AGBL5: variants seen among roughly 807,000 people sequenced by gnomAD.
The protein encoded by AGBL5 is AGBL carboxypeptidase 5, also known as cytosolic carboxypeptidase-like protein 5.
A neutral mutation model predicts 88.0 loss-of-function variants in AGBL5; 51 were observed. The observed-to-expected ratio is 0.58, with a 90% CI of 0.46 to 0.73. The LOEUF is 0.73. Among genes scored for constraint, AGBL5 ranks in the 30% least tolerant of loss-of-function variants. AGBL5 has a pLI of 0.00. For missense variants in AGBL5, 1,031 were observed against 1,162.2 expected (o/e 0.89, Z 1.64); for synonymous variants, 446 against 438.8 (o/e 1.02, Z -0.21).
chr2:27,067,819 T>A, intron 12 of AGBL5, 173 bp downstream of exon 12: 1 of 752,884 alleles, frequency 1.3e-6, no homozygotes, highest in South Asian at 1.5e-5. Flanking sequence ...GTCTGTGTAA[T>A]AAAACAATAG....
Position 27,053,500 on chromosome 2 carries a change from G to A in AGBL5, c.314G>A (p.Gly105Asp). ...MNKQSKLYSQ[G>D]MAPFVRTLPT... ...AAGCAGAGCAAGCTGTATTCCCAGG[G>A]CATGGCCCCCTTTGTGCGCACACTG... The change falls in exon 3 of 15, where the codon GGC becomes GAC. Residue 105 changes from glycine (G) to aspartate (D), a missense_variant. Physicochemically the swap from Gly to Asp is moderately conservative, Grantham distance 94 (BLOSUM62 -1). Around this residue, in one of 2 missense-constraint regions of AGBL5, gnomAD observed 540 missense variants for 678.2 expected, o/e 0.80. Transcript: ENST00000360131. The surrounding 1 kb of genome is among the most constrained non-coding windows in gnomAD (Gnocchi z 4.9). 1 of 1,614,122 alleles carries A rather than the reference G, an allele frequency of 6.2e-7. No homozygotes were observed. The highest frequency in any genetic ancestry group is 8.5e-7 in the Non-Finnish European group (1 of 1,180,036).
Position 27,063,322 on chromosome 2 carries a change from G to A in AGBL5, c.2089+3918G>A, listed in dbSNP as rs374332813. 7.2e-5 allele frequency among the ~76,000 whole-genome samples: 11 copies of A among 152,308 alleles called. No homozygotes were observed. In the East Asian group the frequency reaches 2.1e-3, roughly 29 times the overall value. ...TGAATGCTTGTCTCGGCCGGGCGTG[G>A]TGGCTCACGCCTGTAATCCCAGCAC... On this transcript the variant is annotated intron_variant, in intron 11 of 14. Transcript: ENST00000360131.
intron 13 of AGBL5, chr2:27,069,160 C>A: frequency 7.5e-7 from 1 of 1,341,396 alleles, no homozygotes. Context: ...TCCAGATCCC[C>A]ATGCTAGGTA....
intron 13 of AGBL5, chr2:27,069,107 G>A (rs1669141919): frequency 7.5e-7 from 1 of 1,340,560 alleles, no homozygotes. Context: ...AACACATTTG[G>A]TTGCTGCTGC....
chr2:27,053,625 G>A lies in AGBL5; in HGVS notation c.387+52G>A. 1.3e-6 allele frequency: 2 copies of A among 1,564,466 alleles called. No homozygotes were observed. The highest frequency in any genetic ancestry group is 2.4e-5 in the South Asian group (2 of 83,876). On this transcript the variant is annotated intron_variant, in intron 3 of 14. Coordinates refer to ENST00000360131, the MANE Select transcript of AGBL5 (RefSeq NM_021831.6). The surrounding 1 kb of genome is among the most constrained non-coding windows in gnomAD (Gnocchi z 4.9). Reference sequence around the variant, plus strand: ...AGACTTGGGTGCTAAAAGTAGAGAGGAAAGTAAAGCGTTTTTTTTTCCTTG... The same window carrying A: ...AGACTTGGGTGCTAAAAGTAGAGAGAAAAGTAAAGCGTTTTTTTTTCCTTG...
rs200990404 is a variant in AGBL5, at chr2:27,070,155, T to G, written c.2553T>G (p.Ser851Arg). 69 of 1,614,136 alleles carry G rather than the reference T, an allele frequency of 4.3e-5. No homozygotes were observed. In the African/African-American group the frequency reaches 7.7e-4, roughly 18 times the overall value. The change falls in exon 15 of 15, where the codon AGT becomes AGG. Residue 851 changes from serine (S) to arginine (R), a missense_variant. Ser to Arg is a moderately radical substitution (Grantham distance 110). Transcript: ENST00000360131. ...CTGCCTTTTCTCCTATATCCTGTAG[T>G]CTATCTGACTCCCCATCCTGGAATT... is the stretch of plus-strand genomic sequence containing the variant. ...SAPAFSPISC[S>R]LSDSPSWNCY...
chr2:27,053,450 C>G lies in AGBL5; in HGVS notation c.264C>G (p.Ile88Met), dbSNP rs1158013328. 6.2e-7 allele frequency: 1 copy of G among 1,614,122 alleles called. No homozygotes were observed. The highest frequency in any genetic ancestry group is 8.5e-7 in the Non-Finnish European group (1 of 1,180,026). ...GGGGAGGAATGCCAGGAAAACTCAT[C>G]AAGATCAACATTATGAACATGAACA... ...SVRGGMPGKLIKINIMNMNKQ... is the reference protein window; with the variant it reads ...SVRGGMPGKLMKINIMNMNKQ... Residue 88 changes from isoleucine (I) to methionine (M), a missense_variant, in exon 3 of 15, where the codon ATC (isoleucine) becomes ATG (methionine). Ile to Met is a conservative substitution (Grantham distance 10). Coordinates refer to ENST00000360131, the MANE Select transcript of AGBL5 (RefSeq NM_021831.6). This position sits in a 1 kb window ranked among gnomAD's most constrained non-coding sequence, Gnocchi z 4.9.
chr2:27,060,419 A>AG (rs978599552), intron 11 of AGBL5, among the ~76,000 whole-genome samples: 1 of 152,194 alleles, frequency 6.6e-6, no homozygotes, highest in Non-Finnish European at 1.5e-5. Context: ...TGGATTGCGG[A>AG]GGGGGAGAGA....
At chr2:27,066,219 G>A (rs1307148947) in intron 11 of AGBL5, among the ~76,000 whole-genome samples, 1 of 127,674 alleles carries the variant, frequency 7.8e-6, no homozygotes, top group Non-Finnish European at 1.6e-5. Context: ...AGGTGACAGA[G>A]TGAGACCCTG....
Position 27,053,589 on chromosome 2 carries a change from G to A in AGBL5, c.387+16G>A. ...CACCTTTGAGGTAAGTTCTCCATGA[G>A]GAGGAAAGAAAGACTTGGGTGCTAA... On this transcript the variant is annotated intron_variant, in intron 3 of 14. Transcript: ENST00000360131. This position sits in a 1 kb window ranked among gnomAD's most constrained non-coding sequence, Gnocchi z 4.9. 1 of 1,597,884 alleles carries A rather than the reference G, an allele frequency of 6.3e-7. No individual in the cohort carries two copies. Among genetic ancestry groups the A allele is most frequent in the Non-Finnish European group, 8.5e-7 (1 of 1,173,478 alleles).
chr2:27,054,112 C>G (rs1668312045), intron 4 of AGBL5, 53 bp downstream of exon 4: 1 of 1,534,536 alleles, frequency 6.5e-7, no homozygotes, highest in Non-Finnish European at 8.8e-7. Flanking sequence ...GACAGCACCT[C>G]CACTACTTCT....
chr2:27,054,377 C>A, intron 4 of AGBL5: 1 of 560,026 alleles, frequency 1.8e-6, no homozygotes. Context: ...CGGAGAACAA[C>A]TCCGACTACA....
upstream of AGBL5, among the ~76,000 whole-genome samples, chr2:27,050,809 A>C (rs1176851318): frequency 4.6e-5 from 7 of 152,226 alleles, no homozygotes; most frequent in Non-Finnish European, 7.3e-5. Flanking sequence ...GGTAGAGCGG[A>C]GGACTGTAGT....
Position 27,070,354 on chromosome 2 carries a change from G to A in AGBL5, c.*91G>A. On this transcript the variant is annotated 3_prime_UTR_variant, in exon 15 of 15. Coordinates refer to ENST00000360131, the MANE Select transcript of AGBL5 (RefSeq NM_021831.6). ...TTCCCCTCCAGGCCGCTGATTCCAT[G>A]TGACAGCCGTTAAGTCCTTGGAATG... 7 of 1,363,350 alleles carry A rather than the reference G, an allele frequency of 5.1e-6. No individual in the cohort carries two copies. Among genetic ancestry groups the A allele is most frequent in the Non-Finnish European group, 5.2e-6 (5 of 968,184 alleles). The allele number at this position is 1,363,350 out of a possible 1,614,324, so 84.5% of individuals were successfully genotyped here. A position where few individuals can be genotyped will look rare whatever the true frequency, so the allele number is the denominator to read the frequency against.
intron 4 of AGBL5, chr2:27,054,372 A>G (rs1668324404): frequency 3.6e-6 from 2 of 555,182 alleles, no homozygotes; most frequent in African/African-American, 3.8e-5. Flanking sequence ...CCCCACGGAG[A>G]ACAACTCCGA....
chr2:27,055,331 T>C, intron 6 of AGBL5, 78 bp downstream of exon 6: 1 of 1,534,716 alleles, frequency 6.5e-7, no homozygotes. Flanking sequence ...TCTGTCAGCC[T>C]TCTGGCTTCT....
At chr2:27,068,259 T>A (rs1389878518) in intron 12 of AGBL5, among the ~76,000 whole-genome samples, 2 of 152,186 alleles carry the variant, frequency 1.3e-5, no homozygotes, top group African/African-American at 4.8e-5. Flanking sequence ...AAACATATGA[T>A]TGCGGCAGTA....
chr2:27,060,703 C>G (rs750861028), intron 11 of AGBL5, among the ~76,000 whole-genome samples: 8 of 152,162 alleles, frequency 5.3e-5, no homozygotes, highest in Non-Finnish European at 1.2e-4. Flanking sequence ...CCAGCTGTGA[C>G]CATTGAGATA....
Position 27,066,574 on chromosome 2 carries a change from G to A in AGBL5, c.2090-920G>A, listed in dbSNP as rs1487710682. On this transcript the variant is annotated intron_variant, in intron 11 of 14. Coordinates refer to ENST00000360131, the MANE Select transcript of AGBL5 (RefSeq NM_021831.6). ...TGACATTTAAGGGGCAGGAAGAACA[G>A]CTGGAAGAGAAGCAATCAGTGGTAA... 3.5e-4 allele frequency among the ~76,000 whole-genome samples: 53 copies of A among 152,320 alleles called. 1 individual carries two copies. The highest frequency in any genetic ancestry group is 3.4e-3 in the Admixed American group (52 of 15,304).
Sources: allele counts gnomAD v4.1 joint callset (sites outside exome capture counted in the v4.1 genomes callset), GRCh38; gene constraint gnomAD v4.1.1; regional missense constraint gnomAD v4.1.1; non-coding constraint Gnocchi (gnomAD v3.1); transcripts MANE v1.5; gene names NCBI Gene and HGNC (gene_info 2026-07-23, HGNC 2026-07-21).